DTL: variants seen among roughly 807,000 people sequenced by gnomAD.
The protein encoded by DTL is denticleless protein homolog.
In DTL, 46 loss-of-function variants were observed where a neutral mutation model predicts 87.0. That is an observed-to-expected ratio of 0.53 (90% CI 0.42 to 0.68). The LOEUF is 0.68. Among genes scored for constraint, DTL ranks in the 30% least tolerant of loss-of-function variants. DTL has a pLI of 0.00. For synonymous variants in DTL, 308 were observed against 311.2 expected, an observed-to-expected ratio of 0.99 and a Z score of 0.11; for missense variants, 737 against 869.4, an observed-to-expected ratio of 0.85 and a Z score of 1.91.
intron 5 of DTL, among the ~76,000 whole-genome samples, chr1:212,048,144 C>T (rs1284140588): frequency 6.6e-6 from 1 of 152,018 alleles, no homozygotes; most frequent in East Asian, 1.9e-4. Context: ...TTTTTTCTAC[C>T]TAAAAATTTA....
chr1:212,037,750 G>A (rs996100840), intron 1 of DTL, among the ~76,000 whole-genome samples: 1 of 152,176 alleles, frequency 6.6e-6, no homozygotes, highest in East Asian at 1.9e-4. Context: ...GAGTGACCTC[G>A]GTCATAGTGG....
At chr1:212,093,561 C>G (rs1655351207) in intron 13 of DTL, among the ~76,000 whole-genome samples, 1 of 152,224 alleles carries the variant, frequency 6.6e-6, no homozygotes, top group African/African-American at 2.4e-5. Context: ...CCCCAGTTCT[C>G]CTCCGACTGC....
intron 11 of DTL, among the ~76,000 whole-genome samples, chr1:212,076,393 CT>C (rs894793053): frequency 6.6e-6 from 1 of 151,986 alleles, no homozygotes; most frequent in Non-Finnish European, 1.5e-5. Context: ...GGGTCTCTTT[CT>C]TTTTTCTCTG....
At chr1:212,039,577 T>G (rs1453094938) in intron 1 of DTL, among the ~76,000 whole-genome samples, 1 of 152,188 alleles carries the variant, frequency 6.6e-6, no homozygotes, top group Non-Finnish European at 1.5e-5. Context: ...GTCATCCAAT[T>G]GCTTATAAAT....
chr1:212,039,555 A>G (rs1046559000), intron 1 of DTL, among the ~76,000 whole-genome samples: 1 of 152,176 alleles, frequency 6.6e-6, no homozygotes, highest in East Asian at 1.9e-4. Flanking sequence ...GAGTTTTAGA[A>G]ATGCGTATAT....
intron 13 of DTL, among the ~76,000 whole-genome samples, chr1:212,098,838 G>A (rs1655525019): frequency 6.6e-6 from 1 of 152,110 alleles, no homozygotes; most frequent in African/African-American, 2.4e-5. Flanking sequence ...CGCCGAGAAA[G>A]CAAGCAGGGC....
chr1:212,041,031 G>A (rs1321577727), intron 1 of DTL, among the ~76,000 whole-genome samples: 1 of 152,190 alleles, frequency 6.6e-6, no homozygotes, highest in Non-Finnish European at 1.5e-5. Flanking sequence ...ATACTACTTG[G>A]AATATGTGCA....
At chr1:212,082,775 TAAG>T (rs1370413824) in intron 13 of DTL, among the ~76,000 whole-genome samples, 2 of 151,984 alleles carry the variant, frequency 1.3e-5, no homozygotes. Flanking sequence ...TTAGAAGAGA[TAAG>T]AAAGTCTGAA....
chr1:212,058,691 G>A (rs1668250549), intron 5 of DTL, among the ~76,000 whole-genome samples: 1 of 151,642 alleles, frequency 6.6e-6, no homozygotes, highest in Admixed American at 6.6e-5. Context: ...ATAATAAATA[G>A]CAGAGCCTAA....
intron 13 of DTL, among the ~76,000 whole-genome samples, chr1:212,083,821 A>G (rs1193665802): frequency 6.6e-6 from 1 of 152,220 alleles, no homozygotes. Context: ...CTTACATGGT[A>G]AACACACAAC....
intron 5 of DTL, among the ~76,000 whole-genome samples, chr1:212,048,309 G>A (rs1006201857): frequency 2.0e-5 from 3 of 151,868 alleles, no homozygotes; most frequent in Admixed American, 6.6e-5. Context: ...CTCCCTCAGC[G>A]TCCCAAGTAC....
At chr1:212,053,836 G>A (rs1668074459) in intron 5 of DTL, among the ~76,000 whole-genome samples, 2 of 152,148 alleles carry the variant, frequency 1.3e-5, no homozygotes, top group South Asian at 4.1e-4. Context: ...ACATGGTTAT[G>A]TATCCTTTAC....
chr1:212,085,287 C>CT (rs1255128264), intron 13 of DTL, among the ~76,000 whole-genome samples: 2 of 152,190 alleles, frequency 1.3e-5, no homozygotes. Flanking sequence ...TCCAATTTCT[C>CT]TTATGTTCTT....
chr1:212,044,381 G>T (rs1274272225), intron 2 of DTL, among the ~76,000 whole-genome samples: 3 of 152,136 alleles, frequency 2.0e-5, no homozygotes, highest in Admixed American at 2.0e-4. Flanking sequence ...GAGGTGGGTG[G>T]ATCACTTGAG....
At position 212,075,495 on chromosome 1, in the gene DTL, A is replaced by G. The variant is rs112383801; in HGVS notation, c.1036-2678A>G. On this transcript the variant is annotated intron_variant, in intron 11 of 14. Transcript: ENST00000366991. Reference sequence around the variant, plus strand: ...ACGTAATTATGATAGTGTTCTTATAATAATGTAGGGACAATAAATAAAAAT... The same window carrying G: ...ACGTAATTATGATAGTGTTCTTATAGTAATGTAGGGACAATAAATAAAAAT... 9.9e-5 allele frequency among the ~76,000 whole-genome samples: 15 copies of G among 152,258 alleles called. 1 individual carries two copies. The highest frequency in any genetic ancestry group is 3.6e-4 in the African/African-American group (15 of 41,566).
intron 1 of DTL, among the ~76,000 whole-genome samples, chr1:212,038,802 C>G (rs112596028): frequency 1.2e-3 from 184 of 152,202 alleles, no homozygotes; most frequent in African/African-American, 4.2e-3. Context: ...TTATTATAAA[C>G]TTAAACAAAT....
chr1:212,047,253 T>A, intron 4 of DTL, 41 bp downstream of exon 4: 1 of 1,614,170 alleles, frequency 6.2e-7, no homozygotes, highest in South Asian at 1.1e-5. Flanking sequence ...TAAATACTGA[T>A]AAGGGAGTGC....
intron 13 of DTL, among the ~76,000 whole-genome samples, chr1:212,087,236 C>T (rs1421877522): frequency 6.6e-6 from 1 of 152,172 alleles, no homozygotes; most frequent in Non-Finnish European, 1.5e-5. Flanking sequence ...AACCACTCTG[C>T]AGCACTGCCT....
chr1:212,086,994 A>G (rs1489170155), intron 13 of DTL, among the ~76,000 whole-genome samples: 1 of 152,224 alleles, frequency 6.6e-6, no homozygotes, highest in Non-Finnish European at 1.5e-5. Flanking sequence ...CAAGTCACCA[A>G]AAAAGTTACA....
Sources: allele counts gnomAD v4.1 joint callset (sites outside exome capture counted in the v4.1 genomes callset), GRCh38; gene constraint gnomAD v4.1.1; transcripts MANE v1.5; gene names NCBI Gene and HGNC (gene_info 2026-07-23, HGNC 2026-07-21).